LLGL2: variants seen among roughly 807,000 people sequenced by gnomAD.
LLGL2 encodes LLGL2, scribble cell polarity complex component.
Under a neutral mutation model 123.2 loss-of-function variants are expected in LLGL2, and 81 were observed. The ratio of observed to expected loss-of-function variants is 0.66; its 90% CI spans 0.55 to 0.79. LLGL2 has a LOEUF of 0.79. Among genes scored for constraint, LLGL2 ranks in the 30% least tolerant of loss-of-function variants. The pLI is 0.00. For missense variants in LLGL2, 1,273 were observed against 1,414.6 expected, an observed-to-expected ratio of 0.90 and a Z score of 1.61; for synonymous variants, 577 against 594.1, an observed-to-expected ratio of 0.97 and a Z score of 0.42.
rs374632397 is a variant in LLGL2 at position 75,558,121 on chromosome 17, C to T, written c.174-34C>T. The T allele has an allele frequency of 3.5e-5, 56 of 1,602,082 alleles. No homozygotes were observed. In the African/African-American group the frequency reaches 5.0e-4, roughly 14 times the overall value. On this transcript the variant is annotated intron_variant, in intron 3 of 25. Transcript: ENST00000392550. The surrounding 1 kb of genome is among the most constrained non-coding windows in gnomAD (Gnocchi z 4.0). ...CTCAAGGCAGGCAGGGGATGGTGTC[C>T]GACCTTCCAGAGCTTTCCTGAGCCT...
In LLGL2 at chr17:75,560,802, TAAAAAAAAA is replaced by T. The variant is rs372940306; in HGVS notation, c.530+1414_530+1422del. Among the ~76,000 whole-genome samples, 268 of 96,118 alleles carry T rather than the reference TAAAAAAAAA, an allele frequency of 2.8e-3. 6 individuals are homozygous for T. The highest frequency in any genetic ancestry group is 8.1e-3 in the African/African-American group (246 of 30,530). The allele number at this position is 96,118 out of a possible 152,430, so 63.1% of individuals were successfully genotyped here. ...CGCCTGGCCCAGTTTGTTTATTTATTAAAAAAAAAAAAAAAAAAAAAAAAAAAAAACAAA... is the reference window on the plus strand; with the variant it reads ...CGCCTGGCCCAGTTTGTTTATTTATTAAAAAAAAAAAAAAAAAAAAACAAA... On this transcript the variant is annotated intron_variant, in intron 6 of 25. Transcript: ENST00000392550.
intron 1 of LLGL2, chr17:75,532,686 A>G (rs2053846126): frequency 6.6e-6 from 1 of 152,232 alleles, no homozygotes; most frequent in South Asian, 2.1e-4. Flanking sequence ...CGGCCTCCCA[A>G]AGTGCTGGGA....
chr17:75,544,229 T>A lies in LLGL2; in HGVS notation c.75+728T>A, dbSNP rs1248733807. Among the ~76,000 whole-genome samples, 1 of 152,184 alleles carries A rather than the reference T, an allele frequency of 6.6e-6. No individual in the cohort carries two copies. ...TGTGGGGCCTTGTGAGGTAATGATC[T>A]TCTCACCTCTGCTTTGCGCCTCTGC... On this transcript the variant is annotated intron_variant, in intron 2 of 25. Transcript: ENST00000392550. The surrounding 1 kb of genome is among the most constrained non-coding windows in gnomAD (Gnocchi z 4.2).
rs764292060 is a variant in LLGL2, at chr17:75,571,744, G to A, written c.2254G>A (p.Ala752Thr). Reference protein sequence around the residue: ...IYAFSLRVPPAERRMDEPVRA... With the variant: ...IYAFSLRVPPTERRMDEPVRA... ...TGCCTTCTCCCTGCGTGTGCCTCCCGCCGAGCGGAGAATGGATGAGCCTGT... is the reference window on the plus strand; with the variant it reads ...TGCCTTCTCCCTGCGTGTGCCTCCCACCGAGCGGAGAATGGATGAGCCTGT... The change falls in exon 18 of 26, where the codon GCC becomes ACC. Residue 752 changes from alanine to threonine, a missense_variant. Physicochemically the swap from Ala to Thr is moderately conservative, Grantham distance 58. Transcript: ENST00000392550. 4.4e-6 allele frequency: 7 copies of A among 1,608,652 alleles called. No homozygotes were observed. The highest frequency in any genetic ancestry group is 2.7e-5 in the African/African-American group (2 of 74,922).
intron 6 of LLGL2, 155 bp from the exon 7 acceptor site, chr17:75,562,861 C>A: frequency 1.1e-6 from 1 of 925,074 alleles, no homozygotes; most frequent in Non-Finnish European, 1.6e-6. Context: ...TGAGCCACCA[C>A]GCTCGGCCAT....
chr17:75,573,624 C>G lies in LLGL2; in HGVS notation c.2869C>G (p.Arg957Gly). Residue 957 changes from arginine (R) to glycine (G), a missense_variant, in exon 21 of 26, where the codon CGA becomes GGA. Transcript: ENST00000392550. Reference protein sequence around the residue: ...NGAGPKKAPSRARNSGTQSDG... With the variant: ...NGAGPKKAPSGARNSGTQSDG... ...TGCGGGCCCCAAGAAGGCCCCGAGC[C>G]GAGCCAGGTGAGTGAAAGGGCCAGA... 6.2e-7 allele frequency: 1 copy of G among 1,608,378 alleles called. No individual in the cohort carries two copies. The highest frequency in any genetic ancestry group is 8.5e-7 in the Non-Finnish European group (1 of 1,178,030).
At chr17:75,527,282 G>C (rs908300809) in intron 1 of LLGL2, among the ~76,000 whole-genome samples, 1 of 152,062 alleles carries the variant, frequency 6.6e-6, no homozygotes, top group South Asian at 2.1e-4. Flanking sequence ...CTGGGATTTG[G>C]GGTTTAGTTT....
chr17:75,571,594 G>A, intron 17 of LLGL2, 73 bp from the exon 18 acceptor site: 1 of 1,138,968 alleles, frequency 8.8e-7, no homozygotes, highest in Non-Finnish European at 1.3e-6. Context: ...AAACCTGGGA[G>A]TAAACCCTGG....
chr17:75,527,950 G>C (rs113200131), intron 1 of LLGL2, among the ~76,000 whole-genome samples: 58 of 145,432 alleles, frequency 4.0e-4, no homozygotes, highest in African/African-American at 1.5e-3. Context: ...ACCATGCACA[G>C]CTAATTTTCT....
intron 1 of LLGL2, among the ~76,000 whole-genome samples, chr17:75,539,745 C>T (rs537799584): frequency 5.1e-4 from 78 of 151,826 alleles, no homozygotes; most frequent in African/African-American, 1.8e-3. Flanking sequence ...GTAGCTGAAA[C>T]TACAGGAGCA....
Position 75,549,374 on chromosome 17 carries a change from C to T in LLGL2, c.75+5873C>T, listed in dbSNP as rs1407687113. Among the ~76,000 whole-genome samples, 1 of 152,194 alleles carries T rather than the reference C, an allele frequency of 6.6e-6. No individual in the cohort carries two copies. Among genetic ancestry groups the T allele is most frequent in the African/African-American group, 2.4e-5 (1 of 41,454 alleles). ...AACCCAGGCACACCCCAAGCAGCCA[C>T]ACCCATCAGGGCAAACAGGCTGCTG... On this transcript the variant is annotated intron_variant, in intron 2 of 25. Transcript: ENST00000392550. The surrounding 1 kb of genome is among the most constrained non-coding windows in gnomAD (Gnocchi z 4.0).
chr17:75,529,359 G>A (rs938617609), intron 1 of LLGL2, among the ~76,000 whole-genome samples: 38 of 151,360 alleles, frequency 2.5e-4, no homozygotes, highest in Non-Finnish European at 1.6e-4. Context: ...ACCAGGCCCA[G>A]CTAATTTTTG....
At chr17:75,560,129 G>C (rs2055135665) in intron 6 of LLGL2, among the ~76,000 whole-genome samples, 1 of 152,206 alleles carries the variant, frequency 6.6e-6, no homozygotes, top group African/African-American at 2.4e-5. Context: ...GGCCAGCCCA[G>C]CTCTCCAGCC....
chr17:75,564,589 G>T lies in LLGL2; in HGVS notation c.1036+82G>T, dbSNP rs1438943002. On this transcript the variant is annotated intron_variant, in intron 10 of 25. Transcript: ENST00000392550. The surrounding 1 kb of genome is among the most constrained non-coding windows in gnomAD (Gnocchi z 4.9). ...ACCATCAGTAAAGACAGGGCCAGGT[G>T]CAGTGGCTCCTGCCTGTAACCCCAG... is the stretch of plus-strand genomic sequence containing the variant. 1 of 1,579,700 alleles carries T rather than the reference G, an allele frequency of 6.3e-7. No homozygotes were observed. Among genetic ancestry groups the T allele is most frequent in the South Asian group, 1.1e-5 (1 of 87,648 alleles).
chr17:75,574,033 C>G (rs564958338), intron 22 of LLGL2, 53 bp downstream of exon 22: 1 of 1,550,390 alleles, frequency 6.4e-7, no homozygotes, highest in Non-Finnish European at 8.7e-7. Flanking sequence ...CGGCCCAGAC[C>G]TGGGGCTGGA....
At chr17:75,538,308 G>A (rs1406324761) in intron 1 of LLGL2, among the ~76,000 whole-genome samples, 1 of 152,152 alleles carries the variant, frequency 6.6e-6, no homozygotes, top group Non-Finnish European at 1.5e-5. Flanking sequence ...CAGCTCAGGA[G>A]GCCCACTTTG....
Position 75,563,380 on chromosome 17 carries a change from G to A in LLGL2, c.743G>A (p.Cys248Tyr), listed in dbSNP as rs748662977. 6.2e-7 allele frequency: 1 copy of A among 1,612,920 alleles called. No individual in the cohort carries two copies. The highest frequency in any genetic ancestry group is 1.7e-5 in the Admixed American group (1 of 60,018). Residue 248 changes from cysteine to tyrosine, a missense_variant, in exon 8 of 26, where the codon TGT (cysteine) becomes TAT (tyrosine). By Grantham distance (194) the Cys-to-Tyr change is radical (BLOSUM62 -2). Coordinates refer to ENST00000392550, the MANE Select transcript of LLGL2 (RefSeq NM_001031803.2). ...CGGGACGGCCGCCTGCTCGTCAGCTGTCACTCTGACGGCAGCTACTGCCAG... is the reference window on the plus strand; with the variant it reads ...CGGGACGGCCGCCTGCTCGTCAGCTATCACTCTGACGGCAGCTACTGCCAG... ...WQRDGRLLVSCHSDGSYCQWP... is the reference protein window; with the variant it reads ...WQRDGRLLVSYHSDGSYCQWP...
upstream of LLGL2, among the ~76,000 whole-genome samples, chr17:75,525,518 C>A (rs77422917): frequency 0.22 from 33,880 of 150,998 alleles, 4,190 homozygotes; most frequent in African/African-American, 0.31. This position sits in a 1 kb window ranked among gnomAD's most constrained non-coding sequence, Gnocchi z 4.8. Flanking sequence ...ACCCCGAGGC[C>A]GTTCGCGAGG....
At position 75,569,994 on chromosome 17, in the gene LLGL2, C is replaced by CGGAGCAGGCTGT. The variant is rs1157828718; in HGVS notation, c.1622_1633dup (p.Ala541_Gln544dup). The CGGAGCAGGCTGT allele has an allele frequency of 3.7e-6, 6 of 1,605,870 alleles. No homozygotes were observed. In the Admixed American group the frequency reaches 6.7e-5, roughly 18 times the overall value. On this transcript the variant is annotated inframe_insertion, in exon 15 of 26. Transcript: ENST00000392550. ...GTACTGGAACTGAATGACGAGGCAGCGGAGCAGGCTGTGGAGCAGGTGGAG... is the reference window on the plus strand; with the variant it reads ...GTACTGGAACTGAATGACGAGGCAGCGGAGCAGGCTGTGGAGCAGGCTGTGGAGCAGGTGGAG...
Sources: allele counts gnomAD v4.1 joint callset (sites outside exome capture counted in the v4.1 genomes callset), GRCh38; gene constraint gnomAD v4.1.1; non-coding constraint Gnocchi (gnomAD v3.1); transcripts MANE v1.5; gene names NCBI Gene and HGNC (gene_info 2026-07-23, HGNC 2026-07-21).